AOAH: variants seen among roughly 807,000 people sequenced by gnomAD.
The protein encoded by AOAH is acyloxyacyl hydrolase, also known as acyloxyacyl hydrolase (neutrophil).
In AOAH, 64 loss-of-function variants were observed where a neutral mutation model predicts 92.2. The observed-to-expected ratio is 0.69, with a 90% confidence interval of 0.57 to 0.86. The LOEUF is 0.86. Ranked by LOEUF, AOAH falls within the 40% of genes least tolerant of loss-of-function variation. The probability of loss-of-function intolerance (pLI) is 0.00; values close to 1 mark genes in which losing one functional copy is unlikely to be tolerated. For synonymous variants in AOAH, 263 were observed against 254.5 expected (o/e 1.03, Z -0.32); for missense variants, 656 against 694.6 (o/e 0.94, Z 0.62).
At chr7:36,649,475 T>C (rs2116430205) in intron 4 of AOAH, among the ~76,000 whole-genome samples, 1 of 152,294 alleles carries the variant, frequency 6.6e-6, no homozygotes, top group Middle Eastern at 3.4e-3. Flanking sequence ...ACATGGCGCT[T>C]GCAACTTAGC....
At chr7:36,544,122 T>C (rs1040441035) in intron 15 of AOAH, among the ~76,000 whole-genome samples, 1 of 151,850 alleles carries the variant, frequency 6.6e-6, no homozygotes, top group African/African-American at 2.4e-5. Flanking sequence ...AATTTTTCTA[T>C]TTTTGGTAGA....
chr7:36,583,521 T>A (rs1321530096), intron 12 of AOAH, among the ~76,000 whole-genome samples: 1 of 151,630 alleles, frequency 6.6e-6, no homozygotes, highest in African/African-American at 2.4e-5. Flanking sequence ...CCTCAGAGAG[T>A]GATAAACATA....
intron 1 of AOAH, among the ~76,000 whole-genome samples, chr7:36,708,639 A>T (rs1353773321): frequency 6.6e-6 from 1 of 152,136 alleles, no homozygotes; most frequent in Non-Finnish European, 1.5e-5. Flanking sequence ...GAAAACTGGA[A>T]GTTATAAATA....
chr7:36,548,485 C>T (rs1562557053), intron 15 of AOAH, 127 bp downstream of exon 15: 10 of 764,826 alleles, frequency 1.3e-5, no homozygotes, highest in South Asian at 4.7e-5. Context: ...TGTGCCCGGC[C>T]GTGCTTCTAA....
intron 1 of AOAH, among the ~76,000 whole-genome samples, chr7:36,708,874 TG>T (rs1386150027): frequency 1.3e-5 from 2 of 152,158 alleles, no homozygotes; most frequent in African/African-American, 2.4e-5. Context: ...TTGTAAGGTG[TG>T]GTAACCCTAC....
intron 11 of AOAH, among the ~76,000 whole-genome samples, chr7:36,599,458 C>G (rs1400713588): frequency 6.6e-6 from 1 of 152,204 alleles, no homozygotes; most frequent in Non-Finnish European, 1.5e-5. Flanking sequence ...ACAATCTACA[C>G]AGTATATTCC....
rs913788230 is a variant in AOAH at position 36,623,137 on chromosome 7, G to A, written c.582+53C>T. On this transcript the variant is annotated intron_variant, in intron 7 of 20. Coordinates refer to ENST00000617537, the MANE Select transcript of AOAH (RefSeq NM_001637.4). The stretch of plus-strand genomic sequence containing the variant: ...TTGTCTTATTAAAGGAAAGAAATGT[G>A]TAGGAAGCAATGTGATGTTAGTGAA... 18 of 1,432,256 alleles carry A rather than the reference G, an allele frequency of 1.3e-5. No homozygotes were observed. In the African/African-American group the frequency reaches 2.0e-4, roughly 16 times the overall value. The allele number at this position is 1,432,256 out of a possible 1,614,324, so 88.7% of individuals were successfully genotyped here.
intron 16 of AOAH, among the ~76,000 whole-genome samples, chr7:36,537,506 G>GTTTTTTTTTTTTTTTTTTTTTT (rs67918250): frequency 7.4e-6 from 1 of 134,800 alleles, no homozygotes; most frequent in Non-Finnish European, 1.6e-5. Flanking sequence ...CACCCCTCTT[G>GTTTTTTTTTTTTTTTTTTTTTT]TTTTTTTTTT....
chr7:36,647,075 C>T (rs1041168380), intron 4 of AOAH, among the ~76,000 whole-genome samples: 3 of 152,204 alleles, frequency 2.0e-5, no homozygotes, highest in Non-Finnish European at 2.9e-5. Flanking sequence ...ATTTCAGGGA[C>T]TAGCACTATG....
At chr7:36,522,820 G>A (rs750667119) in intron 19 of AOAH, among the ~76,000 whole-genome samples, 3 of 152,094 alleles carry the variant, frequency 2.0e-5, no homozygotes, top group African/African-American at 2.4e-5. Context: ...AGCTGCTCCC[G>A]GCAAAGCTAC....
At chr7:36,671,218 T>G (rs1250574407) in intron 3 of AOAH, among the ~76,000 whole-genome samples, 1 of 152,176 alleles carries the variant, frequency 6.6e-6, no homozygotes, top group East Asian at 1.9e-4. Flanking sequence ...GTAATCATAC[T>G]TTTTTTAAAA....
At chr7:36,718,865 G>T (rs1225186679) in intron 1 of AOAH, among the ~76,000 whole-genome samples, 3 of 152,074 alleles carry the variant, frequency 2.0e-5, no homozygotes, top group Non-Finnish European at 4.4e-5. Context: ...AGATATTGGT[G>T]ATCAATGCAC....
chr7:36,715,933 A>T (rs1277944381), intron 1 of AOAH, among the ~76,000 whole-genome samples: 2 of 152,222 alleles, frequency 1.3e-5, no homozygotes. Flanking sequence ...TTCATGTCTA[A>T]AACACCAAAA....
chr7:36,513,778 C>T (rs190582903), intron 20 of AOAH, among the ~76,000 whole-genome samples: 1 of 152,282 alleles, frequency 6.6e-6, no homozygotes, highest in African/African-American at 2.4e-5. Flanking sequence ...AGCAGTTCTT[C>T]CCCAGATGAG....
intron 13 of AOAH, among the ~76,000 whole-genome samples, chr7:36,571,442 C>T (rs544354679): frequency 1.3e-5 from 2 of 152,344 alleles, no homozygotes; most frequent in East Asian, 3.9e-4. Context: ...AATCCTTAGC[C>T]CCACCATCCT....
At chr7:36,567,091 C>T (rs751119819) in intron 13 of AOAH, among the ~76,000 whole-genome samples, 19 of 152,216 alleles carry the variant, frequency 1.2e-4, no homozygotes, top group Middle Eastern at 3.4e-3. Flanking sequence ...GAATTACAGG[C>T]GTGAGCCACC....
At chr7:36,606,581 C>A (rs1315633807) in intron 11 of AOAH, among the ~76,000 whole-genome samples, 2 of 152,160 alleles carry the variant, frequency 1.3e-5, no homozygotes, top group Non-Finnish European at 1.5e-5. Context: ...CCTCCCCCAA[C>A]CTGTCATGCA....
At chr7:36,549,509 T>C in intron 13 of AOAH, 34 bp from the exon 14 acceptor site, 2 of 1,459,442 alleles carry the variant, frequency 1.4e-6, no homozygotes, top group African/African-American at 1.4e-5. Context: ...CAATTAAAGT[T>C]AGTGAGTTCA....
chr7:36,684,906 CAAAAAAAAAAAAAAAAA>C (rs57827044), intron 2 of AOAH, among the ~76,000 whole-genome samples: 1 of 59,988 alleles, frequency 1.7e-5, no homozygotes, highest in Non-Finnish European at 2.9e-5. Context: ...GACCTTGTCT[CAAAAAAAAAAAAAAAAA>C]AAAAAAAAAA....
Sources: gnomAD v4.1 joint callset for allele counts (sites outside exome capture counted in the v4.1 genomes callset) on GRCh38, gnomAD v4.1.1 for gene constraint, MANE v1.5 for transcripts, NCBI Gene and HGNC (gene_info 2026-07-23, HGNC 2026-07-21) for gene names.